The following MIPOL1 variants were observed in gnomAD, a reference collection of about 807,000 sequenced individuals.
The protein encoded by MIPOL1 is mirror-image polydactyly 1, also known as mirror-image polydactyly gene 1 protein.
MIPOL1 carries 57 observed loss-of-function variants against 60.9 expected under a neutral mutation model. That is an observed-to-expected ratio of 0.94 (90% CI 0.76 to 1.17). The LOEUF (loss-of-function observed/expected upper bound fraction) is 1.17, where lower values mean the gene tolerates loss of function less well. Among genes scored for constraint, MIPOL1 ranks in the 50% most tolerant of loss-of-function variants. The pLI is 0.00. For synonymous variants in MIPOL1, 179 were observed against 168.8 expected, an observed-to-expected ratio of 1.06 and a Z score of -0.47; for missense variants, 551 against 511.6, an observed-to-expected ratio of 1.08 and a Z score of -0.74.
intron 11 of MIPOL1, among the ~76,000 whole-genome samples, chr14:37,471,540 T>C (rs866481627): frequency 2.0e-5 from 3 of 152,336 alleles, no homozygotes; most frequent in Non-Finnish European, 2.9e-5. Flanking sequence ...AACTGCTCCC[T>C]AGCCAGAGCA....
chr14:37,481,762 G>C (rs1170594697), intron 11 of MIPOL1, among the ~76,000 whole-genome samples: 2 of 152,094 alleles, frequency 1.3e-5, no homozygotes, highest in African/African-American at 4.8e-5. Flanking sequence ...CAACAGAATA[G>C]AGAGCCCAGA....
intron 9 of MIPOL1, among the ~76,000 whole-genome samples, chr14:37,340,085 ATCT>A (rs1257226238): frequency 6.6e-6 from 1 of 152,150 alleles, no homozygotes; most frequent in Non-Finnish European, 1.5e-5. Flanking sequence ...TTACTCCTGC[ATCT>A]TCTTTCCTCT....
intron 1 of MIPOL1, among the ~76,000 whole-genome samples, chr14:37,205,965 C>T (rs953027785): frequency 6.6e-6 from 1 of 152,078 alleles, no homozygotes; most frequent in African/African-American, 2.4e-5. Flanking sequence ...ATAAGGGAAG[C>T]AGAGCATAAA....
At chr14:37,526,768 A>C (rs1372640719) in intron 12 of MIPOL1, among the ~76,000 whole-genome samples, 1 of 152,004 alleles carries the variant, frequency 6.6e-6, no homozygotes, top group Non-Finnish European at 1.5e-5. Context: ...TCTTTCGATA[A>C]ATCTGTAAGA....
At chr14:37,302,364 T>C (rs891259645) in intron 7 of MIPOL1, among the ~76,000 whole-genome samples, 23 of 148,962 alleles carry the variant, frequency 1.5e-4, no homozygotes, top group African/African-American at 5.2e-4. Context: ...TGACAAATCA[T>C]ATTGAGCATC....
At chr14:37,245,253 A>G (rs1973012880) in intron 1 of MIPOL1, among the ~76,000 whole-genome samples, 1 of 152,164 alleles carries the variant, frequency 6.6e-6, no homozygotes, top group Non-Finnish European at 1.5e-5. Context: ...TAGCAGAAAA[A>G]AAATTCTCTA....
chr14:37,307,512 T>G (rs985309575), intron 7 of MIPOL1, among the ~76,000 whole-genome samples: 7 of 151,940 alleles, frequency 4.6e-5, no homozygotes, highest in African/African-American at 1.4e-4. Context: ...AAGAAGAAAA[T>G]AACAGTCATC....
intron 12 of MIPOL1, among the ~76,000 whole-genome samples, chr14:37,540,773 T>C (rs2095526583): frequency 6.6e-6 from 1 of 152,198 alleles, no homozygotes; most frequent in South Asian, 2.1e-4. Context: ...GAACACTTTT[T>C]TACCAGTAGC....
intron 11 of MIPOL1, among the ~76,000 whole-genome samples, chr14:37,440,359 G>A (rs2094222351): frequency 6.6e-6 from 1 of 152,042 alleles, no homozygotes; most frequent in Non-Finnish European, 1.5e-5. Context: ...AGGACTTTTA[G>A]GGTATCCATC....
intron 4 of MIPOL1, 93 bp from the exon 5 acceptor site, chr14:37,268,565 G>T (rs1219800261): frequency 1.1e-6 from 1 of 915,102 alleles, no homozygotes; most frequent in African/African-American, 1.8e-5. Context: ...TATGGTGTTT[G>T]CTTACAAGTT....
chr14:37,298,145 C>T (rs911622856), intron 7 of MIPOL1, among the ~76,000 whole-genome samples: 16 of 152,190 alleles, frequency 1.1e-4, no homozygotes, highest in Middle Eastern at 3.4e-3. Context: ...GAAATAATGC[C>T]GCATATCTAC....
intron 11 of MIPOL1, among the ~76,000 whole-genome samples, chr14:37,490,607 T>C (rs544638755): frequency 1.1e-4 from 17 of 152,314 alleles, no homozygotes; most frequent in African/African-American, 3.8e-4. Context: ...TCTCTTGGTC[T>C]GTGGGTAGCG....
intron 9 of MIPOL1, among the ~76,000 whole-genome samples, chr14:37,324,136 G>A (rs1226108443): frequency 6.6e-6 from 1 of 152,016 alleles, no homozygotes; most frequent in Admixed American, 6.6e-5. Context: ...AAAGACATCA[G>A]CACAGTTTAT....
chr14:37,258,575 G>T (rs1975350063), intron 3 of MIPOL1, among the ~76,000 whole-genome samples: 1 of 152,046 alleles, frequency 6.6e-6, no homozygotes, highest in African/African-American at 2.4e-5. Flanking sequence ...AATATTTGTA[G>T]TGTTTTTAAC....
chr14:37,550,427 A>AT lies in MIPOL1; in HGVS notation c.*3462dup, dbSNP rs2095558931. 1 of 151,314 alleles carries AT rather than the reference A, an allele frequency of 6.6e-6. No homozygotes were observed. Among genetic ancestry groups the AT allele is most frequent in the African/African-American group, 2.4e-5 (1 of 41,314 alleles). The allele number at this position is 151,314 out of a possible 1,614,324, so 9.4% of individuals were successfully genotyped here. On this transcript the variant is annotated 3_prime_UTR_variant, in exon 13 of 13. Transcript: ENST00000684589. ...CACATATGATGTGTTTGGAACCCAA[A>AT]TTTTTTACTGATTTTATTGTGTTGT... is the stretch of plus-strand genomic sequence containing the variant.
intron 1 of MIPOL1, among the ~76,000 whole-genome samples, chr14:37,243,830 T>TA (rs1193513281): frequency 6.6e-6 from 1 of 152,284 alleles, no homozygotes; most frequent in East Asian, 1.9e-4. Flanking sequence ...CAGAATTACT[T>TA]ACAATTTTTT....
intron 12 of MIPOL1, chr14:37,545,622 G>A (rs1455021642): frequency 3.2e-6 from 2 of 624,292 alleles, no homozygotes; most frequent in Admixed American, 2.7e-5. Context: ...GTTTTTTGAT[G>A]CACTGAATAA....
chr14:37,276,958 G>T (rs1433659942), intron 6 of MIPOL1: 3 of 151,062 alleles, frequency 2.0e-5, no homozygotes, highest in Non-Finnish European at 3.0e-5. Flanking sequence ...GAATTCTGAC[G>T]AGTGCCAGGT....
chr14:37,447,224 T>C (rs1285429140), intron 11 of MIPOL1, among the ~76,000 whole-genome samples: 1 of 152,110 alleles, frequency 6.6e-6, no homozygotes, highest in East Asian at 1.9e-4. Flanking sequence ...AATAATTATA[T>C]GTAAAAAATT....
Sources: gnomAD v4.1 joint callset for allele counts (sites outside exome capture counted in the v4.1 genomes callset) on GRCh38, gnomAD v4.1.1 for gene constraint, MANE v1.5 for transcripts, NCBI Gene and HGNC (gene_info 2026-07-23, HGNC 2026-07-21) for gene names.